ANKS1B: variants seen among roughly 807,000 people sequenced by gnomAD.
The protein encoded by ANKS1B is ankyrin repeat and sterile alpha motif domain-containing protein 1B.
In ANKS1B, 36 loss-of-function variants were observed where a neutral mutation model predicts 148.3. The ratio of observed to expected loss-of-function variants is 0.24; its 90% CI spans 0.19 to 0.32. The LOEUF is 0.32. ANKS1B is among the 10% of genes least tolerant of loss of function. The pLI is 1.00. For synonymous variants in ANKS1B, 542 were observed against 560.8 expected (o/e 0.97, Z 0.47); for missense variants, 1,157 against 1,542.6 (o/e 0.75, Z 4.19).
At chr12:99,968,832 T>C (rs753892842) in intron 1 of ANKS1B, among the ~76,000 whole-genome samples, 45 of 152,038 alleles carry the variant, frequency 3.0e-4, no homozygotes, top group Non-Finnish European at 6.0e-4. Context: ...TCTGGTTGTT[T>C]AAAAGTGTGT....
intron 4 of ANKS1B, among the ~76,000 whole-genome samples, chr12:99,795,859 G>A (rs1307209577): frequency 2.0e-5 from 3 of 152,010 alleles, no homozygotes; most frequent in African/African-American, 7.2e-5. Context: ...CACTATAGCT[G>A]TAACTTCTGT....
At chr12:99,000,975 G>C (rs1437638208) in intron 17 of ANKS1B, among the ~76,000 whole-genome samples, 1 of 152,120 alleles carries the variant, frequency 6.6e-6, no homozygotes, top group East Asian at 1.9e-4. Context: ...CGCTGTGTGT[G>C]TGTGTGTGTG....
chr12:99,101,108 T>C (rs953832972), intron 15 of ANKS1B, among the ~76,000 whole-genome samples: 4 of 152,014 alleles, frequency 2.6e-5, no homozygotes, highest in African/African-American at 9.7e-5. Context: ...GTTAACCAGG[T>C]GGAAGAAACA....
At chr12:99,846,673 T>C (rs974910949) in intron 1 of ANKS1B, among the ~76,000 whole-genome samples, 9 of 152,114 alleles carry the variant, frequency 5.9e-5, no homozygotes, top group African/African-American at 2.2e-4. Flanking sequence ...GATACTGTGA[T>C]ATTTTGCTGC....
chr12:99,755,246 C>A (rs2061458625), intron 8 of ANKS1B, among the ~76,000 whole-genome samples: 1 of 151,966 alleles, frequency 6.6e-6, no homozygotes, highest in Non-Finnish European at 1.5e-5. Flanking sequence ...ACTAGAAAAT[C>A]TAGAAGAAAT....
At chr12:99,110,338 A>G (rs2060050970) in intron 15 of ANKS1B, among the ~76,000 whole-genome samples, 1 of 152,190 alleles carries the variant, frequency 6.6e-6, no homozygotes, top group East Asian at 1.9e-4. Flanking sequence ...GCCACTATAA[A>G]ATCAGATAAG....
At chr12:99,979,408 A>G (rs192465746) in intron 1 of ANKS1B, among the ~76,000 whole-genome samples, 93 of 152,292 alleles carry the variant, frequency 6.1e-4, no homozygotes, top group Non-Finnish European at 1.0e-3. Flanking sequence ...ATAATTTTCT[A>G]TGATATCTAA....
rs114757707 is a variant in ANKS1B at position 99,181,019 on chromosome 12, G to A, written c.2420-26624C>T. On this transcript the variant is annotated intron_variant, in intron 14 of 26. Coordinates refer to ENST00000683438, the MANE Select transcript of ANKS1B (RefSeq NM_001352186.2). ...TTCTCCCCAGTTTACATCCATTAGA[G>A]TATACTGTTTTCTCCAACCATACTT... Among the ~76,000 whole-genome samples the A allele has an allele frequency of 7.8e-3, 1,195 of 152,264 alleles. 18 individuals carry two copies. The highest frequency in any genetic ancestry group is 0.028 in the African/African-American group (1,146 of 41,554).
chr12:99,933,095 G>T (rs2094666479), intron 1 of ANKS1B, among the ~76,000 whole-genome samples: 1 of 152,032 alleles, frequency 6.6e-6, no homozygotes, highest in Non-Finnish European at 1.5e-5. Context: ...TTGTTTCTGG[G>T]TTCTCTATTC....
chr12:99,316,378 T>C (rs551053642), intron 12 of ANKS1B, among the ~76,000 whole-genome samples: 1 of 152,324 alleles, frequency 6.6e-6, no homozygotes, highest in South Asian at 2.1e-4. Flanking sequence ...TGGTGTGAGA[T>C]GGTATCTAGT....
intron 11 of ANKS1B, among the ~76,000 whole-genome samples, chr12:99,440,973 G>C (rs1414751120): frequency 3.3e-5 from 5 of 151,598 alleles, no homozygotes; most frequent in Admixed American, 6.6e-5. Flanking sequence ...ATCAGCTAAT[G>C]GTCAAAGAAT....
In ANKS1B at chr12:99,936,916, T is replaced by C. The variant is rs541297860; in HGVS notation, c.134+47188A>G. On this transcript the variant is annotated intron_variant, in intron 1 of 26. Transcript: ENST00000683438. Reference sequence around the variant, plus strand: ...TTTGTTCTCATCTACACTGAATGACTATAGATTTTTTAAAGTGGAAACAGG... The same window carrying C: ...TTTGTTCTCATCTACACTGAATGACCATAGATTTTTTAAAGTGGAAACAGG... Among the ~76,000 whole-genome samples, 3 of 152,320 alleles carry C rather than the reference T, an allele frequency of 2.0e-5. No individual in the cohort carries two copies. In the East Asian group the frequency reaches 5.8e-4, roughly 29 times the overall value.
At chr12:99,735,338 T>C (rs2059516593) in intron 8 of ANKS1B, among the ~76,000 whole-genome samples, 1 of 151,784 alleles carries the variant, frequency 6.6e-6, no homozygotes. Context: ...AGTTGGCTTT[T>C]CAAAAAGATA....
chr12:99,409,010 AT>A lies in ANKS1B; in HGVS notation c.1576-9200del, dbSNP rs201496623. On this transcript the variant is annotated intron_variant, in intron 11 of 26. Coordinates refer to ENST00000683438, the MANE Select transcript of ANKS1B (RefSeq NM_001352186.2). ...ATCCTGCAGTCACACTGCTAGGTAT[AT>A]TCCCAAAAGTATATCGAAAACATAG... Among the ~76,000 whole-genome samples the A allele has an allele frequency of 7.8e-3, 1,186 of 152,250 alleles. 35 individuals are homozygous for A. The highest frequency in any genetic ancestry group is 0.017 in the Middle Eastern group (5 of 294).
chr12:99,035,354 A>C (rs1022020182), intron 17 of ANKS1B, among the ~76,000 whole-genome samples: 1 of 152,214 alleles, frequency 6.6e-6, no homozygotes, highest in African/African-American at 2.4e-5. Context: ...TGCCCAACAC[A>C]GAGAAGGAAG....
At chr12:99,551,007 G>A (rs186753907) in intron 9 of ANKS1B, among the ~76,000 whole-genome samples, 139 of 152,046 alleles carry the variant, frequency 9.1e-4, no homozygotes, top group African/African-American at 3.2e-3. Context: ...ATGTGTTTTG[G>A]TAAAACCCTG....
intron 16 of ANKS1B, among the ~76,000 whole-genome samples, chr12:99,072,068 C>A (rs914879655): frequency 2.0e-5 from 3 of 152,096 alleles, no homozygotes; most frequent in African/African-American, 7.2e-5. Context: ...AGATGACAAT[C>A]AAATTGGAAA....
At chr12:99,249,576 T>C (rs1245302842) in intron 12 of ANKS1B, among the ~76,000 whole-genome samples, 1 of 152,218 alleles carries the variant, frequency 6.6e-6, no homozygotes, top group Non-Finnish European at 1.5e-5. Context: ...CTTTTTCCAG[T>C]GGCCAAATCC....
intron 12 of ANKS1B, among the ~76,000 whole-genome samples, chr12:99,317,284 T>G (rs936309451): frequency 2.0e-5 from 3 of 152,236 alleles, no homozygotes; most frequent in Admixed American, 6.5e-5. Flanking sequence ...ACGATATTGA[T>G]TCTTCCTATC....
Sources: gnomAD v4.1 joint callset for allele counts (sites outside exome capture counted in the v4.1 genomes callset) on GRCh38, gnomAD v4.1.1 for gene constraint, MANE v1.5 for transcripts, NCBI Gene and HGNC (gene_info 2026-07-23, HGNC 2026-07-21) for gene names.